SPTBN1: variants seen among roughly 807,000 people sequenced by gnomAD.
SPTBN1 encodes the protein spectrin beta, non-erythrocytic 1.
In SPTBN1, 32 loss-of-function variants were observed where a neutral mutation model predicts 266.4. The observed-to-expected ratio is 0.12, with a 90% CI of 0.09 to 0.16. The LOEUF (loss-of-function observed/expected upper bound fraction) is 0.16, where lower values mean the gene tolerates loss of function less well. Ranked by LOEUF, SPTBN1 falls within the 10% of genes least tolerant of loss-of-function variation. The pLI is 1.00. For missense variants in SPTBN1, 2,296 were observed against 3,067.1 expected (o/e 0.75, Z 5.94); for synonymous variants, 1,336 against 1,162.2 (o/e 1.15, Z -3.04).
chr2:54,624,111 T>C (rs1678170824), intron 10 of SPTBN1, among the ~76,000 whole-genome samples: 1 of 152,238 alleles, frequency 6.6e-6, no homozygotes, highest in African/African-American at 2.4e-5. Flanking sequence ...TGGTCACTTG[T>C]ACAGAACTAC....
chr2:54,568,541 TTAG>T (rs1157903003), intron 2 of SPTBN1, among the ~76,000 whole-genome samples: 3 of 152,110 alleles, frequency 2.0e-5, no homozygotes, highest in Non-Finnish European at 4.4e-5. Context: ...TAAAGGAAGT[TTAG>T]TATTGCTCTA....
At chr2:54,617,787 T>A in intron 6 of SPTBN1, 99 bp downstream of exon 6, 1 of 1,191,286 alleles carries the variant, frequency 8.4e-7, no homozygotes, top group Non-Finnish European at 1.2e-6. Flanking sequence ...GGCTTAACTG[T>A]CTCACCGTGG....
At chr2:54,560,667 T>G (rs968554644) in intron 2 of SPTBN1, among the ~76,000 whole-genome samples, 6 of 152,234 alleles carry the variant, frequency 3.9e-5, no homozygotes, top group African/African-American at 1.4e-4. Flanking sequence ...AAAAATAATT[T>G]TTTTTAGTGT....
chr2:54,653,755 G>A lies in SPTBN1; in HGVS notation c.5724G>A (p.Val1908=), dbSNP rs1016163524. 4.3e-6 allele frequency: 7 copies of A among 1,614,092 alleles called. No individual in the cohort carries two copies. The highest frequency in any genetic ancestry group is 5.9e-6 in the Non-Finnish European group (7 of 1,180,042). ...DACESRRVRL[V]DTGDKFRFFS... ...GTGAGAGCCGCAGGGTGCGGCTGGT[G>A]GACACAGGGGACAAGTTCCGCTTCT... is the stretch of plus-strand genomic sequence containing the variant. The change falls in exon 27 of 36, where the codon GTG becomes GTA. Residue 1908 remains valine, a synonymous_variant. Transcript: ENST00000356805. The surrounding 1 kb of genome is among the most constrained non-coding windows in gnomAD (Gnocchi z 5.1).
At chr2:54,496,008 A>G (rs895115730) in intron 1 of SPTBN1, among the ~76,000 whole-genome samples, 1 of 152,120 alleles carries the variant, frequency 6.6e-6, no homozygotes, top group East Asian at 1.9e-4. Flanking sequence ...AGAAGTACAC[A>G]TGGGCTTATA....
At chr2:54,657,286 G>A (rs539142542) in intron 29 of SPTBN1, among the ~76,000 whole-genome samples, 6 of 152,212 alleles carry the variant, frequency 3.9e-5, no homozygotes, top group Admixed American at 2.6e-4. Flanking sequence ...CACAACTACC[G>A]CCCAAAAGAG....
chr2:54,462,912 G>A (rs1693438098), intron 1 of SPTBN1, among the ~76,000 whole-genome samples: 1 of 152,142 alleles, frequency 6.6e-6, no homozygotes, highest in Non-Finnish European at 1.5e-5. Context: ...TCATATTCTC[G>A]ACATGGTGTT....
At chr2:54,608,786 C>A (rs1364289545) in intron 3 of SPTBN1, among the ~76,000 whole-genome samples, 1 of 152,164 alleles carries the variant, frequency 6.6e-6, no homozygotes, top group African/African-American at 2.4e-5. Context: ...GAAAATCTTC[C>A]TATGCATTTG....
intron 2 of SPTBN1, among the ~76,000 whole-genome samples, chr2:54,585,029 T>A (rs1208565084): frequency 6.6e-6 from 1 of 152,198 alleles, no homozygotes; most frequent in Non-Finnish European, 1.5e-5. Flanking sequence ...ACATTTAAGT[T>A]TAGCAACACT....
Position 54,612,190 on chromosome 2 carries a change from C to A in SPTBN1, c.330C>A (p.Ile110=). The A allele has an allele frequency of 6.2e-7, 1 of 1,610,704 alleles. No homozygotes were observed. Among genetic ancestry groups the A allele is most frequent in the South Asian group, 1.1e-5 (1 of 90,780 alleles). ...LPKPTKGRMR[I]HCLENVDKAL... ...AACCCACCAAGGGACGAATGCGCAT[C>A]CACTGCTTAGAGAATGTGGACAAGG... is the stretch of plus-strand genomic sequence containing the variant. The change falls in exon 4 of 36, where the codon ATC becomes ATA. Residue 110 remains isoleucine, a synonymous_variant. Transcript: ENST00000356805.
Position 54,558,769 on chromosome 2 carries a change from G to T in SPTBN1, c.148+32203G>T. Reference sequence around the variant, plus strand: ...AGGGCGCAGTCCTCCGGGGCGTTACGCCGGGCATAATGGAATTGCAGAGGA... The same window carrying T: ...AGGGCGCAGTCCTCCGGGGCGTTACTCCGGGCATAATGGAATTGCAGAGGA... On this transcript the variant is annotated intron_variant, in intron 2 of 35. Coordinates refer to ENST00000356805, the MANE Select transcript of SPTBN1 (RefSeq NM_003128.3). This position sits in a 1 kb window ranked among gnomAD's most constrained non-coding sequence, Gnocchi z 4.6. 6.2e-7 allele frequency: 1 copy of T among 1,610,936 alleles called. No individual in the cohort carries two copies. Among genetic ancestry groups the T allele is most frequent in the Non-Finnish European group, 8.5e-7 (1 of 1,178,034 alleles).
At chr2:54,657,147 T>C (rs1459747941) in intron 29 of SPTBN1, among the ~76,000 whole-genome samples, 3 of 152,210 alleles carry the variant, frequency 2.0e-5, no homozygotes, top group African/African-American at 7.2e-5. Context: ...TTCTCATAAC[T>C]ATGTTGGAAC....
chr2:54,466,848 C>G (rs1393241474), intron 1 of SPTBN1, among the ~76,000 whole-genome samples: 1 of 152,096 alleles, frequency 6.6e-6, no homozygotes, highest in East Asian at 1.9e-4. Flanking sequence ...CAATTTTTTT[C>G]TACCAAACTT....
In SPTBN1 at chr2:54,498,305, G is replaced by A. The variant is rs561831342; in HGVS notation, c.-47-28067G>A. On this transcript the variant is annotated intron_variant, in intron 1 of 35. Coordinates refer to ENST00000356805, the MANE Select transcript of SPTBN1 (RefSeq NM_003128.3). Reference sequence around the variant, plus strand: ...TGTGTGTGGCTTCTGAGCACATGTGGCTGGTGTGAATTTTAAATTTTATTT... The same window carrying A: ...TGTGTGTGGCTTCTGAGCACATGTGACTGGTGTGAATTTTAAATTTTATTT... Among the ~76,000 whole-genome samples, 86 of 152,264 alleles carry A rather than the reference G, an allele frequency of 5.6e-4. 2 individuals carry two copies. The highest frequency in any genetic ancestry group is 2.1e-4 in the South Asian group (1 of 4,818).
rs1437371016 is a variant in SPTBN1 at position 54,456,522 on chromosome 2, G to A, written c.-48+4G>A. ...GCCCCCACCCCATCCCCGGGAGGTAGGTAGGGGGCCCGAGGCAGGGAGATG... is the reference window on the plus strand; with the variant it reads ...GCCCCCACCCCATCCCCGGGAGGTAAGTAGGGGGCCCGAGGCAGGGAGATG... On this transcript the variant is annotated splice_donor_region_variant and intron_variant, in intron 1 of 35. Transcript: ENST00000356805. 2.0e-5 allele frequency: 3 copies of A among 151,944 alleles called. No homozygotes were observed. Among genetic ancestry groups the A allele is most frequent in the Non-Finnish European group, 4.4e-5 (3 of 67,938 alleles). 9.4% of individuals were successfully genotyped at this position (151,944 alleles called of 1,614,324 possible).
At chr2:54,632,810 G>T (rs765123811) in intron 17 of SPTBN1, 42 bp downstream of exon 17, 5 of 1,600,902 alleles carry the variant, frequency 3.1e-6, no homozygotes, top group South Asian at 2.2e-5. Context: ...TGCACCTTGG[G>T]GCTCTCAAAC....
At chr2:54,600,976 C>A (rs1300402156) in intron 3 of SPTBN1, among the ~76,000 whole-genome samples, 1 of 151,980 alleles carries the variant, frequency 6.6e-6, no homozygotes, top group African/African-American at 2.4e-5. Context: ...GGCCCATTGC[C>A]GTTTTTTCTG....
intron 28 of SPTBN1, among the ~76,000 whole-genome samples, chr2:54,655,577 T>C (rs1657551784): frequency 1.3e-5 from 2 of 152,214 alleles, no homozygotes; most frequent in Non-Finnish European, 2.9e-5. Context: ...ATTAGGTGCG[T>C]GTGTGGCCCC....
At chr2:54,534,074 G>T (rs1368278379) in intron 2 of SPTBN1, among the ~76,000 whole-genome samples, 1 of 152,182 alleles carries the variant, frequency 6.6e-6, no homozygotes, top group East Asian at 1.9e-4. Flanking sequence ...AATTGAAGAG[G>T]CTAGGCTGCA....
Sources: allele counts gnomAD v4.1 joint callset (sites outside exome capture counted in the v4.1 genomes callset), GRCh38; gene constraint gnomAD v4.1.1; non-coding constraint Gnocchi (gnomAD v3.1); transcripts MANE v1.5; gene names NCBI Gene and HGNC (gene_info 2026-07-23, HGNC 2026-07-21).